Variants in EME1 observed in about 807,000 individuals in gnomAD.
EME1 encodes the protein essential meiotic structure-specific endonuclease 1, also known as structure-specific endonuclease subunit EME1.
A neutral mutation model predicts 59.1 loss-of-function variants in EME1; 61 were observed. The observed-to-expected ratio is 1.03, with a 90% CI of 0.84 to 1.28. EME1 has a LOEUF of 1.28. EME1 is among the 50% of genes most tolerant of loss of function. The pLI is 0.00. For synonymous variants in EME1, 230 were observed against 254.2 expected (o/e 0.90, Z 0.90); for missense variants, 635 against 682.6 (o/e 0.93, Z 0.78).
At position 50,380,388 on chromosome 17, in the gene EME1, G is replaced by C. The variant is rs777715228; in HGVS notation, c.1423G>C (p.Gly475Arg). 6.2e-7 allele frequency: 1 copy of C among 1,614,146 alleles called. No homozygotes were observed. Among genetic ancestry groups the C allele is most frequent in the Non-Finnish European group, 8.5e-7 (1 of 1,180,018 alleles). ...WAGGVKVDLA[G>R]RGLALVWRRQ... ...TGGAGGGGTGAAGGTGGACCTTGCT[G>C]GCAGGGGACTCGCACTAGTCTGGAG... Residue 475 changes from glycine (G) to arginine (R), a missense_variant, in exon 8 of 9, where the codon GGC becomes CGC. Coordinates refer to ENST00000338165, the MANE Select transcript of EME1 (RefSeq NM_152463.4).
At chr17:50,374,059 G>A (rs189423048) in intron 1 of EME1, among the ~76,000 whole-genome samples, 1 of 150,396 alleles carries the variant, frequency 6.6e-6, no homozygotes, top group Non-Finnish European at 1.5e-5. Context: ...CAGATTTATG[G>A]TTGCCAGGAG....
At position 50,378,780 on chromosome 17, in the gene EME1, C is replaced by G; in HGVS notation, c.997C>G (p.Leu333Val). ...SMIDNGKQGS[L>V]DSTMKGKETL... ...TTTCTGCCCCTTCATGCAGGGAAGC[C>G]TGGACAGCACTATGAAAGGGAAGGA... is the stretch of plus-strand genomic sequence containing the variant. Residue 333 changes from leucine (L) to valine (V), a missense_variant, in exon 5 of 9, where the codon CTG (leucine) becomes GTG (valine). Coordinates refer to ENST00000338165, the MANE Select transcript of EME1 (RefSeq NM_152463.4). The G allele has an allele frequency of 6.2e-7, 1 of 1,614,184 alleles. No homozygotes were observed. Among genetic ancestry groups the G allele is most frequent in the Non-Finnish European group, 8.5e-7 (1 of 1,180,034 alleles).
In EME1 at chr17:50,378,625, G is replaced by A. The variant is rs778402793; in HGVS notation, c.934G>A (p.Val312Ile). 7 of 1,613,994 alleles carry A rather than the reference G, an allele frequency of 4.3e-6. No homozygotes were observed. In the East Asian group the frequency reaches 1.6e-4, roughly 36 times the overall value. The change falls in exon 4 of 9, where the codon GTA becomes ATA. Residue 312 changes from valine to isoleucine, a missense_variant. Coordinates refer to ENST00000338165, the MANE Select transcript of EME1 (RefSeq NM_152463.4). ...DREDWVEEPTVLVLLRAEAFV... is the reference protein window; with the variant it reads ...DREDWVEEPTILVLLRAEAFV... The stretch of plus-strand genomic sequence containing the variant: ...AGAGGACTGGGTGGAGGAGCCAACA[G>A]TACTGGTGTTGCTCCGGGCAGAGGC...
rs16948975 is a variant in EME1 at position 50,373,295 on chromosome 17, C to T, written c.-25+18C>T. On this transcript the variant is annotated intron_variant, in intron 1 of 8. Transcript: ENST00000338165. ...AGTTGCAGGTGAGCGTCCCCGGTCGCAGGCCTGCGGATTGGGCAGGGCTTC... is the reference window on the plus strand; with the variant it reads ...AGTTGCAGGTGAGCGTCCCCGGTCGTAGGCCTGCGGATTGGGCAGGGCTTC... 7.9e-3 allele frequency: 10,863 copies of T among 1,374,906 alleles called. 731 individuals carry two copies. The African/African-American group carries it at 0.14, about 18-fold the overall frequency. 85.2% of individuals were successfully genotyped at this position (1,374,906 alleles called of 1,614,324 possible).
In EME1 at chr17:50,375,196, A is replaced by G. The variant is rs372340954; in HGVS notation, c.-13A>G. 40 of 1,609,222 alleles carry G rather than the reference A, an allele frequency of 2.5e-5. No homozygotes were observed. In the African/African-American group the frequency reaches 4.1e-4, roughly 17 times the overall value. On this transcript the variant is annotated 5_prime_UTR_variant, in exon 2 of 9. Transcript: ENST00000338165. Reference sequence around the variant, plus strand: ...TCTTTTCCTTTTAGGGAATTATTTGATAGCACATACTGATGGCTCTAAAGA... The same window carrying G: ...TCTTTTCCTTTTAGGGAATTATTTGGTAGCACATACTGATGGCTCTAAAGA...
Position 50,379,479 on chromosome 17 carries a change from G to A in EME1, c.1258G>A (p.Glu420Lys). 1 of 1,614,172 alleles carries A rather than the reference G, an allele frequency of 6.2e-7. No homozygotes were observed. Among genetic ancestry groups the A allele is most frequent in the Non-Finnish European group, 8.5e-7 (1 of 1,180,032 alleles). The change falls in exon 7 of 9, where the codon GAA becomes AAA. Residue 420 changes from glutamate to lysine, a missense_variant. Physicochemically the swap from Glu to Lys is moderately conservative, Grantham distance 56. Coordinates refer to ENST00000338165, the MANE Select transcript of EME1 (RefSeq NM_152463.4). ...EALVDLQLHT[E>K]AQAQIVQSWK... ...ATTGGTGGATCTGCAGCTACACACAGAAGCCCAGGCTCAAATTGTGCAGAG... is the reference window on the plus strand; with the variant it reads ...ATTGGTGGATCTGCAGCTACACACAAAAGCCCAGGCTCAAATTGTGCAGAG...
chr17:50,373,324 C>T (rs1377117084), intron 1 of EME1, 47 bp downstream of exon 1: 37 of 976,252 alleles, frequency 3.8e-5, no homozygotes, highest in Middle Eastern at 2.1e-4. Context: ...GGGCTTCCCT[C>T]CTGAACACCG....
At chr17:50,374,724 GC>G (rs983044546) in intron 1 of EME1, among the ~76,000 whole-genome samples, 2 of 151,916 alleles carry the variant, frequency 1.3e-5, no homozygotes, top group African/African-American at 4.8e-5. Context: ...TGGTGGTGGG[GC>G]GCCTGTAATC....
At position 50,375,246 on chromosome 17, in the gene EME1, G is replaced by C. The variant is rs146276559; in HGVS notation, c.38G>C (p.Gly13Ala). 3.3e-4 allele frequency: 540 copies of C among 1,614,198 alleles called. No homozygotes were observed. The highest frequency in any genetic ancestry group is 4.9e-4 in the Middle Eastern group (3 of 6,062). The change falls in exon 2 of 9, where the codon GGT (glycine) becomes GCT (alanine). Residue 13 changes from glycine (G) to alanine (A), a missense_variant. By Grantham distance (60) the Gly-to-Ala change is moderately conservative (BLOSUM62 0). Coordinates refer to ENST00000338165, the MANE Select transcript of EME1 (RefSeq NM_152463.4). Reference sequence around the variant, plus strand: ...AAGTCATCACCCTCACTGGATTCTGGTGATAGTGACTCTGAGGAGTTGCCA... The same window carrying C: ...AAGTCATCACCCTCACTGGATTCTGCTGATAGTGACTCTGAGGAGTTGCCA... ...LKKSSPSLDS[G>A]DSDSEELPTF...
At position 50,375,408 on chromosome 17, in the gene EME1, T is replaced by C; in HGVS notation, c.200T>C (p.Val67Ala). 1.2e-6 allele frequency: 2 copies of C among 1,614,168 alleles called. No homozygotes were observed. The highest frequency in any genetic ancestry group is 1.7e-6 in the Non-Finnish European group (2 of 1,180,028). ...GCACCAGAGTTATTTTCACCACCTG[T>C]CCCAGAAATAGCTGAAACTGTCACA... is the stretch of plus-strand genomic sequence containing the variant. ...PPAPELFSPP[V>A]PEIAETVTQT... The change falls in exon 2 of 9, where the codon GTC becomes GCC. Residue 67 changes from valine (V) to alanine (A), a missense_variant. By Grantham distance (64) the Val-to-Ala change is moderately conservative (BLOSUM62 0). Transcript: ENST00000338165.
Position 50,380,515 on chromosome 17 carries a change from G to T in EME1, c.1536+14G>T. 1 of 1,610,710 alleles carries T rather than the reference G, an allele frequency of 6.2e-7. No individual in the cohort carries two copies. On this transcript the variant is annotated intron_variant, in intron 8 of 8. Transcript: ENST00000338165. ...CTCCTGGTACAGGTATGCTGCTCCA[G>T]GGCTCAGGGGTCACTGCCCATTGCC...
At chr17:50,377,993 G>A (rs1021625408) in intron 3 of EME1, among the ~76,000 whole-genome samples, 16 of 151,940 alleles carry the variant, frequency 1.1e-4, no homozygotes, top group Admixed American at 4.6e-4. Context: ...CCTGACCTCA[G>A]GTGATCCGCC....
chr17:50,375,073 G>A, intron 1 of EME1, 112 bp from the exon 2 acceptor site: 1 of 807,412 alleles, frequency 1.2e-6, no homozygotes. Context: ...ATATTTCTCT[G>A]TTTCTGTATT....
intron 6 of EME1, 24 bp from the exon 7 acceptor site, chr17:50,379,428 C>T: frequency 6.2e-7 from 1 of 1,611,204 alleles, no homozygotes; most frequent in Middle Eastern, 1.7e-4. Context: ...CCCTTCCAGT[C>T]CATCGTTGCT....
intron 1 of EME1, among the ~76,000 whole-genome samples, chr17:50,373,483 G>A (rs1437030467): frequency 6.6e-6 from 1 of 152,244 alleles, no homozygotes; most frequent in Admixed American, 6.5e-5. Flanking sequence ...GGTCAGAGAT[G>A]AGGCCCCCTC....
chr17:50,381,128 C>G lies in EME1; in HGVS notation c.*189C>G. 1 of 649,284 alleles carries G rather than the reference C, an allele frequency of 1.5e-6. No individual in the cohort carries two copies. 40.2% of individuals were successfully genotyped at this position (649,284 alleles called of 1,614,324 possible). A position where few individuals can be genotyped will look rare whatever the true frequency, so the allele number is the denominator to read the frequency against. ...GCTGGGGCAGAGACTGAAATACTGC[C>G]ACCTACCTTTGGCATTTAATGTTCC... On this transcript the variant is annotated 3_prime_UTR_variant, in exon 9 of 9. Coordinates refer to ENST00000338165, the MANE Select transcript of EME1 (RefSeq NM_152463.4).
chr17:50,380,669 C>T (rs1442922351), intron 8 of EME1, 94 bp from the exon 9 acceptor site: 14 of 1,571,736 alleles, frequency 8.9e-6, no homozygotes, highest in Admixed American at 6.8e-5. Flanking sequence ...AGGACAGGTT[C>T]TCATGCCCCA....
Position 50,381,073 on chromosome 17 carries a change from T to TA in EME1, c.*135dup. 1 of 976,054 alleles carries TA rather than the reference T, an allele frequency of 1.0e-6. No individual in the cohort carries two copies. Among genetic ancestry groups the TA allele is most frequent in the South Asian group, 1.7e-5 (1 of 59,562 alleles). The allele number at this position is 976,054 out of a possible 1,614,324, so 60.5% of individuals were successfully genotyped here. On this transcript the variant is annotated 3_prime_UTR_variant, in exon 9 of 9. Coordinates refer to ENST00000338165, the MANE Select transcript of EME1 (RefSeq NM_152463.4). ...GTGAGGCCCAGTCTTTCTTGGGTCT[T>TA]ATTATTTGTGAAGGTCTCTCTGCCT...
chr17:50,375,689 C>G lies in EME1; in HGVS notation c.481C>G (p.Leu161Val), dbSNP rs771749882. Residue 161 changes from leucine to valine, a missense_variant, in exon 2 of 9, where the codon CTG becomes GTG. Coordinates refer to ENST00000338165, the MANE Select transcript of EME1 (RefSeq NM_152463.4). ...GAGGAGTGCAGCAGATAACAAGGAC[C>G]TGATCTTAGATCCATGCTGTCAGCT... ...PERSAADNKD[L>V]ILDPCCQLPA... 38 of 1,614,012 alleles carry G rather than the reference C, an allele frequency of 2.4e-5. No individual in the cohort carries two copies. The highest frequency in any genetic ancestry group is 3.3e-5 in the Admixed American group (2 of 60,002).
Sources: gnomAD v4.1 joint callset for allele counts (sites outside exome capture counted in the v4.1 genomes callset) on GRCh38, gnomAD v4.1.1 for gene constraint, MANE v1.5 for transcripts, NCBI Gene and HGNC (gene_info 2026-07-23, HGNC 2026-07-21) for gene names.